The following CDH18 variants were observed in gnomAD, a reference collection of about 807,000 sequenced individuals.
The protein encoded by CDH18 is cadherin-18.
A neutral mutation model predicts 67.9 loss-of-function variants in CDH18; 31 were observed. The ratio of observed to expected loss-of-function variants is 0.46; its 90% CI spans 0.34 to 0.62. The LOEUF is 0.62. CDH18 is among the 20% of genes least tolerant of loss of function. The probability of loss-of-function intolerance (pLI) is 0.01; values close to 1 mark genes in which losing one functional copy is unlikely to be tolerated. For missense variants in CDH18, 890 were observed against 975.5 expected, an observed-to-expected ratio of 0.91 and a Z score of 1.17; for synonymous variants, 362 against 347.2, an observed-to-expected ratio of 1.04 and a Z score of -0.48.
rs968344575 is a variant in CDH18, at chr5:20,098,970, A to C, written c.-517-106956T>G. 1.2e-4 allele frequency among the ~76,000 whole-genome samples: 19 copies of C among 152,318 alleles called. No homozygotes were observed. The South Asian group carries it at 1.4e-3, about 12-fold the overall frequency. ...CTCCTTCCAAGGCAGACAGTATCCA[A>C]GTTTGCAATGCTAGAGTGAGAAATA... On this transcript the variant is annotated intron_variant, in intron 2 of 14. Coordinates refer to the CDH18 transcript ENST00000507958.
In CDH18 at chr5:19,606,094, G is replaced by C. The variant is rs1747992003; in HGVS notation, c.811+6340C>G. Among the ~76,000 whole-genome samples the C allele has an allele frequency of 2.6e-5, 4 of 152,154 alleles. No homozygotes were observed. The South Asian group carries it at 8.3e-4, about 32-fold the overall frequency. On this transcript the variant is annotated intron_variant, in intron 6 of 12. Transcript: ENST00000382275. ...TTGAGACCAGTGGAGAGTAAGTAAA[G>C]AAAGATCCGGATTCCAGGAATAAGA...
intron 4 of CDH18, among the ~76,000 whole-genome samples, chr5:19,735,225 G>T: frequency 6.6e-6 from 1 of 152,000 alleles, no homozygotes; most frequent in East Asian, 1.9e-4. Context: ...TCTTTATGTC[G>T]CTGTCAATTG....
intron 1 of CDH18, among the ~76,000 whole-genome samples, chr5:20,417,015 G>T (rs1447366599): frequency 6.6e-6 from 1 of 152,070 alleles, no homozygotes; most frequent in Admixed American, 6.5e-5. Context: ...TCATATATCA[G>T]CTTCCAGCTC....
At chr5:20,420,978 G>A (rs1747816056) in intron 1 of CDH18, among the ~76,000 whole-genome samples, 1 of 151,180 alleles carries the variant, frequency 6.6e-6, no homozygotes, top group Non-Finnish European at 1.5e-5. Flanking sequence ...ATTCCTGTTT[G>A]TTTTTTCCTG....
chr5:19,573,903 C>T (rs767887561), intron 7 of CDH18, among the ~76,000 whole-genome samples: 3 of 152,142 alleles, frequency 2.0e-5, no homozygotes, highest in Non-Finnish European at 2.9e-5. Context: ...ATGTGGAAGG[C>T]TTGATGATGT....
At chr5:20,425,500 T>G (rs892798039) in intron 1 of CDH18, among the ~76,000 whole-genome samples, 10 of 151,198 alleles carry the variant, frequency 6.6e-5, no homozygotes, top group Non-Finnish European at 1.2e-4. Context: ...AAATTAAAAC[T>G]GGATACAGAG....
chr5:20,311,194 G>C (rs1736954681), intron 1 of CDH18, among the ~76,000 whole-genome samples: 1 of 152,152 alleles, frequency 6.6e-6, no homozygotes, highest in African/African-American at 2.4e-5. Flanking sequence ...TTACACTTTT[G>C]GTGGGAGGGT....
At chr5:20,260,886 A>G (rs932222350) in intron 1 of CDH18, among the ~76,000 whole-genome samples, 2 of 152,182 alleles carry the variant, frequency 1.3e-5, no homozygotes, top group Non-Finnish European at 2.9e-5. Flanking sequence ...AATTCTTCCA[A>G]TGAATTAAAT....
chr5:19,707,091 C>G (rs761497409), intron 5 of CDH18, among the ~76,000 whole-genome samples: 8 of 152,056 alleles, frequency 5.3e-5, no homozygotes, highest in Non-Finnish European at 1.2e-4. Flanking sequence ...GAATCAACAG[C>G]CAATTTGGGC....
chr5:19,570,969 T>G (rs1741280277), intron 8 of CDH18, among the ~76,000 whole-genome samples: 1 of 152,032 alleles, frequency 6.6e-6, no homozygotes, highest in Non-Finnish European at 1.5e-5. Context: ...CACAATAGAG[T>G]TCCCACGCTG....
rs1790112105 is a variant in CDH18 at position 19,903,011 on chromosome 5, A to G, written c.-256-63769T>C. ...ATTTTAAAACTTTGTTAAAATATTC[A>G]AAATATAAAAATACATTATTTAATT... is the stretch of plus-strand genomic sequence containing the variant. On this transcript the variant is annotated intron_variant, in intron 2 of 12. Transcript: ENST00000382275. 1.3e-5 allele frequency among the ~76,000 whole-genome samples: 2 copies of G among 151,944 alleles called. 1 individual carries two copies. The highest frequency in any genetic ancestry group is 4.1e-4 in the South Asian group (2 of 4,830).
At chr5:20,304,731 G>T (rs1258982491) in intron 1 of CDH18, 19 of 1,610,970 alleles carry the variant, frequency 1.2e-5, no homozygotes, top group Admixed American at 1.7e-5. Flanking sequence ...CAGTTTTGTT[G>T]CCATGAAACA....
At chr5:20,534,706 G>A (rs1258412842) in intron 1 of CDH18, among the ~76,000 whole-genome samples, 3 of 151,652 alleles carry the variant, frequency 2.0e-5, no homozygotes, top group African/African-American at 4.8e-5. Context: ...TTAAATTTTT[G>A]CACATTGTGC....
At chr5:19,641,862 A>T (rs1754041980) in intron 5 of CDH18, among the ~76,000 whole-genome samples, 1 of 152,040 alleles carries the variant, frequency 6.6e-6, no homozygotes, top group African/African-American at 2.4e-5. Context: ...AATAAAAGGT[A>T]CCCAAATTGG....
At chr5:19,623,353 C>G (rs1302999947) in intron 5 of CDH18, among the ~76,000 whole-genome samples, 2 of 152,090 alleles carry the variant, frequency 1.3e-5, no homozygotes, top group East Asian at 3.9e-4. Flanking sequence ...ATTATCTATG[C>G]TATTTATGGG....
At chr5:20,207,387 A>T (rs1333635955) in intron 2 of CDH18, among the ~76,000 whole-genome samples, 2 of 152,076 alleles carry the variant, frequency 1.3e-5, no homozygotes, top group Non-Finnish European at 1.5e-5. Flanking sequence ...TAATATTGTT[A>T]AAATAACAAT....
At chr5:19,760,935 G>A (rs939724887) in intron 3 of CDH18, among the ~76,000 whole-genome samples, 1 of 152,178 alleles carries the variant, frequency 6.6e-6, no homozygotes, top group Non-Finnish European at 1.5e-5. Flanking sequence ...GGGAGTGGAT[G>A]TCGCCACTAC....
At chr5:20,029,366 A>C (rs539089990) in intron 2 of CDH18, among the ~76,000 whole-genome samples, 17 of 152,158 alleles carry the variant, frequency 1.1e-4, no homozygotes, top group Admixed American at 6.6e-5. Flanking sequence ...TTTTATTATA[A>C]ATTAGATGAC....
At chr5:20,201,660 A>C (rs1194707330) in intron 2 of CDH18, among the ~76,000 whole-genome samples, 2 of 152,186 alleles carry the variant, frequency 1.3e-5, no homozygotes, top group Admixed American at 1.3e-4. Context: ...ATAATACATG[A>C]ATAAAAGAAC....
Sources: allele counts gnomAD v4.1 joint callset (sites outside exome capture counted in the v4.1 genomes callset), GRCh38; gene constraint gnomAD v4.1.1; transcripts MANE v1.5; gene names NCBI Gene and HGNC (gene_info 2026-07-23, HGNC 2026-07-21).